Variants in HSD17B11 observed in about 807,000 individuals in gnomAD.
The protein encoded by HSD17B11 is estradiol 17-beta-dehydrogenase 11.
In HSD17B11, 22 loss-of-function variants were observed where a neutral mutation model predicts 27.8. The ratio of observed to expected loss-of-function variants is 0.79; its 90% CI spans 0.56 to 1.13. The LOEUF (loss-of-function observed/expected upper bound fraction) is 1.13. Ranked by LOEUF, HSD17B11 falls within the 50% of genes most tolerant of loss-of-function variation. HSD17B11 has a pLI of 0.00. For synonymous variants in HSD17B11, 117 were observed against 132.8 expected (o/e 0.88, Z 0.82); for missense variants, 314 against 351.1 (o/e 0.89, Z 0.84).
intron 6 of HSD17B11, 53 bp downstream of exon 6, chr4:87,340,437 T>C: frequency 2.6e-6 from 3 of 1,138,556 alleles, no homozygotes; most frequent in Non-Finnish European, 2.6e-6. Flanking sequence ...AAAAATGCAA[T>C]AGATAATTGT....
intron 2 of HSD17B11, among the ~76,000 whole-genome samples, chr4:87,378,929 AATATATATATATATATATTTATAT>A (rs1720042486): frequency 1.4e-4 from 1 of 7,278 alleles, no homozygotes; most frequent in African/African-American, 6.0e-4. Context: ...AATATATATA[AATATATATATATATATATTTATAT>A]ATATATATTT....
At chr4:87,390,305 C>T (rs1360812371) in intron 1 of HSD17B11, among the ~76,000 whole-genome samples, 1 of 152,098 alleles carries the variant, frequency 6.6e-6, no homozygotes, top group Non-Finnish European at 1.5e-5. Flanking sequence ...TACAGACGCC[C>T]GCCACCACGC....
In HSD17B11 at chr4:87,382,274, A is replaced by G. The variant is rs756069004; in HGVS notation, c.299T>C (p.Ile100Thr). ...TTTCACCTTCTTTGCAGAGCTGTAA[A>G]TATCTTCTCGGTTGCTGCAGTCTAC... ...FVVDCSNRED[I>T]YSSAKKVKAE... Residue 100 changes from isoleucine (I) to threonine (T), a missense_variant, in exon 2 of 7, where the codon ATT becomes ACT. Ile to Thr is a moderately conservative substitution (Grantham distance 89, BLOSUM62 -1). Coordinates refer to ENST00000358290, the MANE Select transcript of HSD17B11 (RefSeq NM_016245.5). 6.2e-7 allele frequency: 1 copy of G among 1,613,370 alleles called. No homozygotes were observed. The highest frequency in any genetic ancestry group is 8.5e-7 in the Non-Finnish European group (1 of 1,179,316).
chr4:87,382,776 T>A (rs997001608), intron 1 of HSD17B11, among the ~76,000 whole-genome samples: 1 of 152,210 alleles, frequency 6.6e-6, no homozygotes, highest in Non-Finnish European at 1.5e-5. Context: ...TTAACCACAG[T>A]TCATTAAACC....
chr4:87,378,944 ATATTTATATATATATATTTTTT>A lies in HSD17B11; in HGVS notation c.318+3289_318+3310del, dbSNP rs1720046238. 2.1e-4 allele frequency among the ~76,000 whole-genome samples: 4 copies of A among 19,390 alleles called. No individual in the cohort carries two copies. In the South Asian group the frequency reaches 3.2e-3, roughly 15 times the overall value. 12.7% of individuals were successfully genotyped at this position (19,390 alleles called of 152,430 possible). On this transcript the variant is annotated intron_variant, in intron 2 of 6. Coordinates refer to ENST00000358290, the MANE Select transcript of HSD17B11 (RefSeq NM_016245.5). ...AATATATATAAATATATATATATAT[ATATTTATATATATATATTTTTT>A]TTTTTTTTTGAGATGGTGTCTTGCT...
chr4:87,342,608 GA>G lies in HSD17B11; in HGVS notation c.696-2003del, dbSNP rs199822260. Reference sequence around the variant, plus strand: ...AAATAAATAAAGAATAATTCATTCAGAAAAAAAATATATTTTGAAGTAAAAC... The same window carrying G: ...AAATAAATAAAGAATAATTCATTCAGAAAAAAATATATTTTGAAGTAAAAC... On this transcript the variant is annotated intron_variant, in intron 5 of 6. Transcript: ENST00000358290. Among the ~76,000 whole-genome samples, 1,344 of 151,798 alleles carry G rather than the reference GA, an allele frequency of 8.9e-3. 11 individuals are homozygous for G. Among genetic ancestry groups the G allele is most frequent in the African/African-American group, 0.028 (1,173 of 41,404 alleles).
intron 6 of HSD17B11, 68 bp downstream of exon 6, chr4:87,340,422 C>T: frequency 2.1e-6 from 2 of 960,550 alleles, no homozygotes; most frequent in East Asian, 5.0e-5. Context: ...ATTTAAATGT[C>T]AGTAAAAAAT....
intron 2 of HSD17B11, among the ~76,000 whole-genome samples, chr4:87,378,954 A>G: frequency 3.6e-5 from 1 of 28,040 alleles, no homozygotes; most frequent in East Asian, 5.8e-4. Flanking sequence ...ATATTTATAT[A>G]TATATATTTT....
chr4:87,338,690 C>T (rs540781327), intron 6 of HSD17B11, among the ~76,000 whole-genome samples: 2 of 152,216 alleles, frequency 1.3e-5, no homozygotes, highest in East Asian at 3.9e-4. Flanking sequence ...TGTGTTCCAA[C>T]ACGCCTGGCT....
At chr4:87,354,302 T>TA (rs985761547) in intron 5 of HSD17B11, among the ~76,000 whole-genome samples, 1 of 151,684 alleles carries the variant, frequency 6.6e-6, no homozygotes, top group African/African-American at 2.4e-5. Context: ...CCGTCTCCAC[T>TA]AAAAAAATAA....
intron 3 of HSD17B11, 85 bp from the exon 4 acceptor site, chr4:87,372,900 T>C: frequency 2.5e-6 from 2 of 792,744 alleles, no homozygotes; most frequent in Non-Finnish European, 4.2e-6. Flanking sequence ...CAAAAGTATA[T>C]TTTTTAACAT....
At chr4:87,375,620 A>AAT (rs886169932) in intron 2 of HSD17B11, among the ~76,000 whole-genome samples, 6 of 152,238 alleles carry the variant, frequency 3.9e-5, no homozygotes, top group Non-Finnish European at 8.8e-5. Context: ...GGGCGCCTAT[A>AAT]ATCCCAGCTA....
intron 6 of HSD17B11, among the ~76,000 whole-genome samples, chr4:87,339,766 A>C (rs1191435596): frequency 6.6e-6 from 1 of 152,232 alleles, no homozygotes; most frequent in Non-Finnish European, 1.5e-5. Context: ...CTCAAAGCCC[A>C]GGCCACACTC....
intron 5 of HSD17B11, among the ~76,000 whole-genome samples, chr4:87,353,689 G>A (rs1056789161): frequency 2.0e-5 from 3 of 152,154 alleles, no homozygotes; most frequent in Non-Finnish European, 2.9e-5. Flanking sequence ...GTCAGGAGAG[G>A]GCGCTGGAGC....
At chr4:87,390,765 C>A in intron 1 of HSD17B11, 96 bp downstream of exon 1, 1 of 1,058,002 alleles carries the variant, frequency 9.5e-7, no homozygotes. Context: ...TTCCTCCCTG[C>A]TTTGCAGAGA....
rs1181289968 is a variant in HSD17B11, at chr4:87,378,929, A to AATAT, written c.318+3322_318+3325dup. On this transcript the variant is annotated intron_variant, in intron 2 of 6. Transcript: ENST00000358290. ...AAATATATATATATAAATATATATA[A>AATAT]ATATATATATATATATATTTATATA... is the stretch of plus-strand genomic sequence containing the variant. Among the ~76,000 whole-genome samples the AATAT allele has an allele frequency of 1.6e-3, 12 of 7,280 alleles. 2 individuals are homozygous for AATAT. Among genetic ancestry groups the AATAT allele is most frequent in the Admixed American group, 2.8e-3 (1 of 358 alleles). The allele number at this position is 7,280 out of a possible 152,430, so 4.8% of individuals were successfully genotyped here.
At chr4:87,373,980 A>T (rs1342789422) in intron 3 of HSD17B11, among the ~76,000 whole-genome samples, 1 of 152,184 alleles carries the variant, frequency 6.6e-6, no homozygotes, top group East Asian at 1.9e-4. Flanking sequence ...GGTGAGGTTC[A>T]CAATAAGGTT....
At chr4:87,344,908 A>C (rs1030427489) in intron 5 of HSD17B11, among the ~76,000 whole-genome samples, 1 of 152,254 alleles carries the variant, frequency 6.6e-6, no homozygotes, top group Non-Finnish European at 1.5e-5. Context: ...GAGACAAATG[A>C]GAAACCACAA....
chr4:87,390,306 G>T (rs1160063263), intron 1 of HSD17B11, among the ~76,000 whole-genome samples: 1 of 151,976 alleles, frequency 6.6e-6, no homozygotes, highest in Non-Finnish European at 1.5e-5. Context: ...ACAGACGCCC[G>T]CCACCACGCC....
Sources: gnomAD v4.1 joint callset for allele counts (sites outside exome capture counted in the v4.1 genomes callset) on GRCh38, gnomAD v4.1.1 for gene constraint, MANE v1.5 for transcripts, NCBI Gene and HGNC (gene_info 2026-07-23, HGNC 2026-07-21) for gene names.